The following SZRD1 variants were observed in gnomAD, a reference collection of about 807,000 sequenced individuals.
The protein encoded by SZRD1 is SUZ RNA binding domain containing 1.
Under a neutral mutation model 17.6 loss-of-function variants are expected in SZRD1, and 7 were observed. That is an observed-to-expected ratio of 0.40 (90% CI 0.23 to 0.75). SZRD1 has a LOEUF of 0.75. Ranked by LOEUF, SZRD1 falls within the 30% of genes least tolerant of loss-of-function variation. The probability of loss-of-function intolerance (pLI) is 0.38; values close to 1 mark genes in which losing one functional copy is unlikely to be tolerated. For synonymous variants in SZRD1, 77 were observed against 77.9 expected (o/e 0.99, Z 0.06); for missense variants, 178 against 201.8 (o/e 0.88, Z 0.71).
chr1:16,389,269 G>A (rs1417971081), intron 1 of SZRD1, among the ~76,000 whole-genome samples: 38 of 126,920 alleles, frequency 3.0e-4, no homozygotes, highest in African/African-American at 1.1e-3. Flanking sequence ...ATTTTTTTGA[G>A]GGGGGGTGGG....
intron 1 of SZRD1, among the ~76,000 whole-genome samples, chr1:16,379,395 G>A (rs1350832946): frequency 4.6e-5 from 7 of 152,100 alleles, no homozygotes; most frequent in Admixed American, 1.3e-4. Flanking sequence ...GAGCCACTAC[G>A]CCCTGCCTTA....
Position 16,367,283 on chromosome 1 carries a change from G to A in SZRD1, c.26G>A (p.Ser9Asn), listed in dbSNP as rs1324601659. MEDEEVAE[S>N]WEEAADSGEI... The stretch of plus-strand genomic sequence containing the variant: ...ATGGAAGATGAGGAGGTCGCTGAGA[G>A]CTGGGAAGAGGCGGCAGACAGCGGG... Residue 9 changes from serine to asparagine, a missense_variant, in exon 1 of 4, where the codon AGC becomes AAC. By Grantham distance (46) the Ser-to-Asn change is conservative. This residue lies in a region of SZRD1 where 117 missense variants were observed against 108.7 expected (regional missense o/e 1.08). Coordinates refer to ENST00000401088, the MANE Select transcript of SZRD1 (RefSeq NM_001114600.3). 4 of 1,548,962 alleles carry A rather than the reference G, an allele frequency of 2.6e-6. No homozygotes were observed. The highest frequency in any genetic ancestry group is 2.4e-5 in the East Asian group (1 of 40,866).
In SZRD1 at chr1:16,370,335, C is replaced by T. The variant is rs560976002; in HGVS notation, c.51+3027C>T. 6.6e-5 allele frequency among the ~76,000 whole-genome samples: 10 copies of T among 151,490 alleles called. No homozygotes were observed. In the South Asian group the frequency reaches 1.0e-3, roughly 16 times the overall value. ...CTACCTCCCAGGTTCAAGCGATTCTCGTGCCTCAGCCTCCCGAGTAGCTGG... is the reference window on the plus strand; with the variant it reads ...CTACCTCCCAGGTTCAAGCGATTCTTGTGCCTCAGCCTCCCGAGTAGCTGG... On this transcript the variant is annotated intron_variant, in intron 1 of 3. Coordinates refer to ENST00000401088, the MANE Select transcript of SZRD1 (RefSeq NM_001114600.3).
intron 1 of SZRD1, among the ~76,000 whole-genome samples, chr1:16,385,454 A>C (rs1326078391): frequency 6.6e-6 from 1 of 152,198 alleles, no homozygotes; most frequent in Non-Finnish European, 1.5e-5. Flanking sequence ...AGAAGGTACA[A>C]CTGTAATGGT....
At chr1:16,380,913 CT>C (rs573976466) in intron 1 of SZRD1, among the ~76,000 whole-genome samples, 2,314 of 143,110 alleles carry the variant, frequency 0.016, 38 homozygotes, top group African/African-American at 0.05. Context: ...AGCCCCTCAT[CT>C]TTTTTTTTTT....
chr1:16,394,681 A>G (rs1416455083), intron 3 of SZRD1, among the ~76,000 whole-genome samples: 1 of 150,298 alleles, frequency 6.7e-6, no homozygotes, highest in Non-Finnish European at 1.5e-5. Flanking sequence ...GATGGGGGAC[A>G]TCTAGGCCAG....
At position 16,391,225 on chromosome 1, in the gene SZRD1, C is replaced by G. The variant is rs2085216532; in HGVS notation, c.52-150C>G. On this transcript the variant is annotated intron_variant, in intron 1 of 3. Transcript: ENST00000401088. This position sits in a 1 kb window ranked among gnomAD's most constrained non-coding sequence, Gnocchi z 4.3. The stretch of plus-strand genomic sequence containing the variant: ...CTGCAGAGGGTATCAGGTCCCCAAA[C>G]CCCAAAATCTAGTCCACATTTGTTA... 1 of 643,674 alleles carries G rather than the reference C, an allele frequency of 1.6e-6. No individual in the cohort carries two copies. Among genetic ancestry groups the G allele is most frequent in the African/African-American group, 1.8e-5 (1 of 54,272 alleles). The allele number at this position is 643,674 out of a possible 1,614,324, so 39.9% of individuals were successfully genotyped here.
chr1:16,378,281 ACTT>A (rs1435331416), intron 1 of SZRD1, among the ~76,000 whole-genome samples: 2 of 141,168 alleles, frequency 1.4e-5, no homozygotes, highest in Non-Finnish European at 3.0e-5. Context: ...CTGTTTGGCA[ACTT>A]CTTTTTTTTT....
intron 1 of SZRD1, among the ~76,000 whole-genome samples, chr1:16,388,678 C>CTTTTTT (rs950662267): frequency 1.3e-4 from 12 of 92,164 alleles, no homozygotes; most frequent in Non-Finnish European, 1.7e-4. Context: ...AAGAATAAGT[C>CTTTTTT]TTTTTTTTTT....
chr1:16,373,326 T>A (rs1404874042), intron 1 of SZRD1, among the ~76,000 whole-genome samples: 1 of 151,816 alleles, frequency 6.6e-6, no homozygotes, highest in African/African-American at 2.4e-5. Flanking sequence ...ATGCCTGTAA[T>A]GCCAGCACTT....
rs973464347 is a variant in SZRD1, at chr1:16,382,505, G to GT, written c.52-8861dup. ...GCCTGGCCACATGGTTTTTTTTTTT[G>GT]TTTTTTTTTAATGGAGTCTCACTCT... is the stretch of plus-strand genomic sequence containing the variant. On this transcript the variant is annotated intron_variant, in intron 1 of 3. Transcript: ENST00000401088. Among the ~76,000 whole-genome samples, 779 of 126,858 alleles carry GT rather than the reference G, an allele frequency of 6.1e-3. 8 individuals carry two copies. Among genetic ancestry groups the GT allele is most frequent in the African/African-American group, 0.022 (700 of 31,368 alleles). The allele number at this position is 126,858 out of a possible 152,430, so 83.2% of individuals were successfully genotyped here. A position where few individuals can be genotyped will look rare whatever the true frequency, so the allele number is the denominator to read the frequency against.
At chr1:16,369,414 A>T in intron 1 of SZRD1, 1 of 1,091,054 alleles carries the variant, frequency 9.2e-7, no homozygotes, top group Non-Finnish European at 1.4e-6. Context: ...AAAACTGCTC[A>T]AAATTGGCAG....
chr1:16,388,331 C>G (rs1158753530), intron 1 of SZRD1, among the ~76,000 whole-genome samples: 1 of 152,096 alleles, frequency 6.6e-6, no homozygotes, highest in Non-Finnish European at 1.5e-5. Flanking sequence ...AACTCCTGAC[C>G]TCAAGTGATT....
At chr1:16,377,582 G>C (rs1472772097) in intron 1 of SZRD1, among the ~76,000 whole-genome samples, 1 of 125,588 alleles carries the variant, frequency 8.0e-6, no homozygotes, top group Non-Finnish European at 1.8e-5. Flanking sequence ...AAAAAAAAAA[G>C]CAAGAAAGGA....
chr1:16,383,291 C>G (rs561044563), intron 1 of SZRD1, among the ~76,000 whole-genome samples: 1 of 151,658 alleles, frequency 6.6e-6, no homozygotes, highest in East Asian at 1.9e-4. Flanking sequence ...AATCATAGCT[C>G]ACTGCTGCCT....
intron 1 of SZRD1, among the ~76,000 whole-genome samples, chr1:16,379,425 A>C (rs1013475592): frequency 6.6e-6 from 1 of 152,156 alleles, no homozygotes; most frequent in Non-Finnish European, 1.5e-5. Flanking sequence ...TCTGTCACTT[A>C]CTAGTTGTGC....
rs776355896 is a variant in SZRD1 at position 16,393,191 on chromosome 1, G to C, written c.102-37G>C. 9 of 1,607,300 alleles carry C rather than the reference G, an allele frequency of 5.6e-6. No individual in the cohort carries two copies. The highest frequency in any genetic ancestry group is 8.5e-7 in the Non-Finnish European group (1 of 1,175,190). ...ACATGGACAGGGCCTCCTTAGTCAGGAGCATGATTTGTGAAGCTGTGTTTG... is the reference window on the plus strand; with the variant it reads ...ACATGGACAGGGCCTCCTTAGTCAGCAGCATGATTTGTGAAGCTGTGTTTG... On this transcript the variant is annotated intron_variant, in intron 2 of 3. Transcript: ENST00000401088. This position sits in a 1 kb window ranked among gnomAD's most constrained non-coding sequence, Gnocchi z 5.6.
chr1:16,380,727 C>T (rs1337854528), intron 1 of SZRD1, among the ~76,000 whole-genome samples: 1 of 152,138 alleles, frequency 6.6e-6, no homozygotes, highest in African/African-American at 2.4e-5. Flanking sequence ...CTCGGGCTCC[C>T]AAAGTGCTGG....
At chr1:16,371,428 C>A (rs113719246) in intron 1 of SZRD1, among the ~76,000 whole-genome samples, 12 of 148,184 alleles carry the variant, frequency 8.1e-5, no homozygotes, top group Admixed American at 4.1e-4. Flanking sequence ...TCTGCTCCCC[C>A]CTCTCCCTTC....
Sources: allele counts gnomAD v4.1 joint callset (sites outside exome capture counted in the v4.1 genomes callset), GRCh38; gene constraint gnomAD v4.1.1; regional missense constraint gnomAD v4.1.1; non-coding constraint Gnocchi (gnomAD v3.1); transcripts MANE v1.5; gene names NCBI Gene and HGNC (gene_info 2026-07-23, HGNC 2026-07-21).